EPB41L1: variants seen among roughly 807,000 people sequenced by gnomAD.
EPB41L1 encodes the protein band 4.1-like protein 1.
Under a neutral mutation model 97.8 loss-of-function variants are expected in EPB41L1, and 29 were observed. The ratio of observed to expected loss-of-function variants is 0.30; its 90% CI spans 0.22 to 0.40. The LOEUF (loss-of-function observed/expected upper bound fraction) is 0.40. Among genes scored for constraint, EPB41L1 ranks in the 10% least tolerant of loss-of-function variants. The pLI is 1.00. For synonymous variants in EPB41L1, 383 were observed against 459.2 expected (o/e 0.83, Z 2.12); for missense variants, 812 against 1,162.3 (o/e 0.70, Z 4.38).
At chr20:36,122,719 C>T (rs761442520) in intron 2 of EPB41L1, 1 of 152,276 alleles carries the variant, frequency 6.6e-6, no homozygotes, top group Non-Finnish European at 1.5e-5. Flanking sequence ...GCCACGCAGA[C>T]TTCTAGTCCT....
chr20:36,199,502 C>G (rs1442089493), intron 14 of EPB41L1, among the ~76,000 whole-genome samples: 1 of 152,218 alleles, frequency 6.6e-6, no homozygotes, highest in South Asian at 2.1e-4. Context: ...TGCCAGATAA[C>G]AGACGGCTTT....
In EPB41L1 at chr20:36,130,782, A is replaced by G. The variant is rs115265323; in HGVS notation, c.-10+18302A>G. Among the ~76,000 whole-genome samples, 1,119 of 146,262 alleles carry G rather than the reference A, an allele frequency of 7.7e-3. 15 individuals are homozygous for G. The highest frequency in any genetic ancestry group is 0.028 in the African/African-American group (1,069 of 38,716). On this transcript the variant is annotated intron_variant, in intron 2 of 19. Transcript: ENST00000202028. ...TCTCTCTCTCTCTATTTGATTTTTA[A>G]AAATTTCTCTCTCTCTCTCTCTCTC...
intron 21 of EPB41L1, among the ~76,000 whole-genome samples, chr20:36,223,282 C>T (rs1019477109): frequency 3.3e-5 from 5 of 152,240 alleles, no homozygotes; most frequent in African/African-American, 1.2e-4. Context: ...GATCTGCCTG[C>T]CTCAGCCTCC....
chr20:36,207,804 C>A lies in EPB41L1; in HGVS notation c.1669-1684C>A, dbSNP rs2062910660. 1 of 1,278,078 alleles carries A rather than the reference C, an allele frequency of 7.8e-7. No individual in the cohort carries two copies. Among genetic ancestry groups the A allele is most frequent in the Non-Finnish European group, 1.0e-6 (1 of 981,718 alleles). 79.2% of individuals were successfully genotyped at this position (1,278,078 alleles called of 1,614,324 possible). A position where few individuals can be genotyped will look rare whatever the true frequency, so the allele number is the denominator to read the frequency against. On this transcript the variant is annotated intron_variant, in intron 14 of 21. Transcript: ENST00000338074. This position sits in a 1 kb window ranked among gnomAD's most constrained non-coding sequence, Gnocchi z 4.9. ...GGGTAACTGGCCGCGTGAGCCCCCG[C>A]CCCCACCGCTGCTCCCCGCCCATGG...
At chr20:36,098,559 G>C (rs1333240313) in intron 1 of EPB41L1, among the ~76,000 whole-genome samples, 1 of 152,138 alleles carries the variant, frequency 6.6e-6, no homozygotes, top group East Asian at 1.9e-4. Flanking sequence ...CTTTCTCTCT[G>C]TTTCATTTCC....
chr20:36,132,571 G>T (rs978346393), intron 2 of EPB41L1, among the ~76,000 whole-genome samples: 5 of 124,158 alleles, frequency 4.0e-5, no homozygotes, highest in African/African-American at 9.5e-5. Flanking sequence ...TGTGGGCGGG[G>T]GGGGGGGGCG....
At chr20:36,202,429 C>T (rs2062548405) in intron 14 of EPB41L1, among the ~76,000 whole-genome samples, 2 of 152,158 alleles carry the variant, frequency 1.3e-5, no homozygotes, top group Admixed American at 1.3e-4. Context: ...TAGAACACTT[C>T]ACTCTCTTCC....
chr20:36,110,886 AC>A (rs1348105612), intron 1 of EPB41L1: 1 of 152,234 alleles, frequency 6.6e-6, no homozygotes, highest in Non-Finnish European at 1.5e-5. Flanking sequence ...AAAAGCAGGA[AC>A]GGGAATGGTA....
intron 2 of EPB41L1, among the ~76,000 whole-genome samples, chr20:36,125,867 G>C (rs1027698089): frequency 5.3e-5 from 8 of 152,050 alleles, no homozygotes; most frequent in African/African-American, 1.9e-4. Flanking sequence ...GAAGTGATGG[G>C]CTTCATCTCA....
intron 2 of EPB41L1, among the ~76,000 whole-genome samples, chr20:36,123,618 G>T (rs2058843502): frequency 6.6e-6 from 1 of 152,098 alleles, no homozygotes; most frequent in Non-Finnish European, 1.5e-5. Context: ...TTTTTGTAGA[G>T]ACAGGGTTTT....
chr20:36,207,701 A>AGGATGCAGACACACAC lies in EPB41L1; in HGVS notation c.1669-1784_1669-1783insTGCAGACACACACGGA. On this transcript the variant is annotated intron_variant, in intron 14 of 21. Coordinates refer to ENST00000338074, the MANE Select transcript of EPB41L1 (RefSeq NM_012156.2). This position sits in a 1 kb window ranked among gnomAD's most constrained non-coding sequence, Gnocchi z 4.9. ...AGGGAGGACACTTCTGCATCCTACC[A>AGGATGCAGACACACAC]GGAAGCACACACGGAACTAGAGCCC... The AGGATGCAGACACACAC allele has an allele frequency of 7.8e-7, 1 of 1,290,102 alleles. No homozygotes were observed. Among genetic ancestry groups the AGGATGCAGACACACAC allele is most frequent in the Non-Finnish European group, 1.0e-6 (1 of 988,916 alleles). 79.9% of individuals were successfully genotyped at this position (1,290,102 alleles called of 1,614,324 possible).
intron 11 of EPB41L1, 26 bp from the exon 12 acceptor site, chr20:36,194,186 T>A: frequency 6.2e-7 from 1 of 1,612,654 alleles, no homozygotes; most frequent in Non-Finnish European, 8.5e-7. Context: ...CTCACATGGT[T>A]GCCTGGCTAT....
chr20:36,158,438 C>T (rs529409511), intron 1 of EPB41L1, among the ~76,000 whole-genome samples: 6 of 152,226 alleles, frequency 3.9e-5, no homozygotes, highest in East Asian at 3.9e-4. Flanking sequence ...AAGGCCAAGT[C>T]GGATTTCGAT....
chr20:36,125,348 C>A (rs765066958), intron 2 of EPB41L1: 245 of 683,280 alleles, frequency 3.6e-4, no homozygotes, highest in Non-Finnish European at 5.5e-4. Context: ...CTATTTGAGC[C>A]CCTCCCCTTA....
At chr20:36,223,170 T>C (rs1184774591) in intron 21 of EPB41L1, among the ~76,000 whole-genome samples, 1 of 152,230 alleles carries the variant, frequency 6.6e-6, no homozygotes, top group Non-Finnish European at 1.5e-5. Flanking sequence ...AGTGCTGGGA[T>C]TACAGGCGTG....
At chr20:36,126,599 C>T (rs1482778296) in intron 2 of EPB41L1, among the ~76,000 whole-genome samples, 3 of 152,150 alleles carry the variant, frequency 2.0e-5, no homozygotes, top group Non-Finnish European at 1.5e-5. Context: ...CTCCCGACCT[C>T]GGATGATCCG....
Position 36,125,385 on chromosome 20 carries a change from AT to A in EPB41L1, c.-10+12908del, listed in dbSNP as rs2147708376. 6 of 709,094 alleles carry A rather than the reference AT, an allele frequency of 8.5e-6. 1 individual carries two copies. The South Asian group carries it at 8.9e-5, about 10-fold the overall frequency. 43.9% of individuals were successfully genotyped at this position (709,094 alleles called of 1,614,324 possible). On this transcript the variant is annotated intron_variant, in intron 2 of 19. Coordinates refer to the EPB41L1 transcript ENST00000202028. Reference sequence around the variant, plus strand: ...CAACCGTGTGACTTCTGCTAGGTTCATTTGCATTTCTGATTCTGTTTCTTCA... The same window carrying A: ...CAACCGTGTGACTTCTGCTAGGTTCATTGCATTTCTGATTCTGTTTCTTCA...
chr20:36,222,189 A>G, intron 20 of EPB41L1, 89 bp from the exon 21 acceptor site: 1 of 1,240,556 alleles, frequency 8.1e-7, no homozygotes, highest in Non-Finnish European at 1.2e-6. Context: ...CAGTTTTTCC[A>G]GCTGTGCACT....
At chr20:36,220,189 T>C (rs915056418) in intron 19 of EPB41L1, among the ~76,000 whole-genome samples, 7 of 152,190 alleles carry the variant, frequency 4.6e-5, no homozygotes, top group Non-Finnish European at 7.3e-5. Flanking sequence ...CTGGAAGAAG[T>C]AGGGACTGAG....
Sources: allele counts gnomAD v4.1 joint callset (sites outside exome capture counted in the v4.1 genomes callset), GRCh38; gene constraint gnomAD v4.1.1; non-coding constraint Gnocchi (gnomAD v3.1); transcripts MANE v1.5; gene names NCBI Gene and HGNC (gene_info 2026-07-23, HGNC 2026-07-21).